NETO1: variants seen among roughly 807,000 people sequenced by gnomAD.
NETO1 encodes the protein neuropilin and tolloid like 1, also known as neuropilin and tolloid-like protein 1.
Under a neutral mutation model 61.3 loss-of-function variants are expected in NETO1, and 26 were observed. That is an observed-to-expected ratio of 0.42 (90% CI 0.31 to 0.59). The LOEUF (loss-of-function observed/expected upper bound fraction) is 0.59. NETO1 is among the 20% of genes least tolerant of loss of function. The pLI is 0.12. For missense variants in NETO1, 531 were observed against 662.8 expected (o/e 0.80, Z 2.18); for synonymous variants, 225 against 225.8 (o/e 1.00, Z 0.03).
At chr18:72,778,020 GC>G (rs1485211358) in intron 7 of NETO1, among the ~76,000 whole-genome samples, 1 of 152,162 alleles carries the variant, frequency 6.6e-6, no homozygotes, top group Non-Finnish European at 1.5e-5. Context: ...AGGCAGCCAT[GC>G]CCCCACAGCT....
intron 6 of NETO1, among the ~76,000 whole-genome samples, chr18:72,787,660 A>T (rs2071967929): frequency 1.3e-5 from 2 of 152,222 alleles, no homozygotes; most frequent in South Asian, 4.1e-4. Context: ...GATACTTGTT[A>T]TAATCATTTA....
At chr18:72,800,251 CAA>C (rs1425654301) in intron 4 of NETO1, among the ~76,000 whole-genome samples, 1 of 152,196 alleles carries the variant, frequency 6.6e-6, no homozygotes, top group Non-Finnish European at 1.5e-5. Context: ...CCTGATATTG[CAA>C]ATGATGGTGA....
In NETO1 at chr18:72,830,473, T is replaced by C. The variant is rs1437327829; in HGVS notation, c.469+28353A>G. 1.3e-5 allele frequency among the ~76,000 whole-genome samples: 2 copies of C among 151,656 alleles called. No homozygotes were observed. The highest frequency in any genetic ancestry group is 2.9e-5 in the Non-Finnish European group (2 of 67,934). ...GGGACCAGGGCATCTAAACAAGGAG[T>C]CCAAAAAACAAACACAAATGACAAA... On this transcript the variant is annotated intron_variant, in intron 4 of 10. Transcript: ENST00000327305. The surrounding 1 kb of genome is among the most constrained non-coding windows in gnomAD (Gnocchi z 4.9).
At chr18:72,854,259 A>G (rs1954820425) in intron 4 of NETO1, among the ~76,000 whole-genome samples, 6 of 152,212 alleles carry the variant, frequency 3.9e-5, no homozygotes, top group Admixed American at 3.9e-4. Flanking sequence ...AATATATTTA[A>G]CAACTCCACT....
Position 72,745,407 on chromosome 18 carries a change from GA to G in NETO1, c.*2771del, listed in dbSNP as rs2070408834. The G allele has an allele frequency of 6.6e-6, 1 of 151,906 alleles. No individual in the cohort carries two copies. The highest frequency in any genetic ancestry group is 1.5e-5 in the Non-Finnish European group (1 of 67,952). 9.4% of individuals were successfully genotyped at this position (151,906 alleles called of 1,614,324 possible). On this transcript the variant is annotated 3_prime_UTR_variant, in exon 11 of 11. Transcript: ENST00000327305. Reference sequence around the variant, plus strand: ...TATTTTGAAAAGTGAATGAAAACTTGAAAAAATAAAATGAAAAAGAATAGCT... The same window carrying G: ...TATTTTGAAAAGTGAATGAAAACTTGAAAAATAAAATGAAAAAGAATAGCT...
intron 4 of NETO1, among the ~76,000 whole-genome samples, chr18:72,826,282 T>C (rs1054627510): frequency 4.6e-5 from 7 of 152,180 alleles, no homozygotes; most frequent in Admixed American, 3.3e-4. Flanking sequence ...TAAATTATAA[T>C]TGGTCTGATA....
intron 7 of NETO1, among the ~76,000 whole-genome samples, chr18:72,781,865 C>G (rs1156291135): frequency 9.0e-6 from 1 of 111,358 alleles, no homozygotes; most frequent in Non-Finnish European, 1.9e-5. Context: ...ACTTTTGTTT[C>G]AGATTCGGGG....
chr18:72,841,460 C>T (rs186475735), intron 4 of NETO1, among the ~76,000 whole-genome samples: 2 of 152,042 alleles, frequency 1.3e-5, no homozygotes, highest in African/African-American at 4.8e-5. Context: ...TGGCCGGGTG[C>T]GGTGGCTCAC....
At chr18:72,770,238 T>C (rs1360734148) in intron 7 of NETO1, among the ~76,000 whole-genome samples, 3 of 152,078 alleles carry the variant, frequency 2.0e-5, no homozygotes, top group Admixed American at 1.3e-4. Context: ...AGAATGCTTA[T>C]CTTTTTCTTA....
rs888644759 is a variant in NETO1, at chr18:72,866,685, C to T, written c.28+579G>A. 5.1e-6 allele frequency: 5 copies of T among 980,244 alleles called. No homozygotes were observed. In the African/African-American group the frequency reaches 8.8e-5, roughly 17 times the overall value. 60.7% of individuals were successfully genotyped at this position (980,244 alleles called of 1,614,324 possible). A position where few individuals can be genotyped will look rare whatever the true frequency, so the allele number is the denominator to read the frequency against. On this transcript the variant is annotated intron_variant, in intron 1 of 10. Transcript: ENST00000327305. ...TCTTATACTGCCTTTTACTCGATGA[C>T]TCGTGATACTATTTTCCTCTCATTC... is the stretch of plus-strand genomic sequence containing the variant.
intron 4 of NETO1, among the ~76,000 whole-genome samples, chr18:72,810,298 G>A (rs144164497): frequency 6.6e-6 from 1 of 152,248 alleles, no homozygotes; most frequent in Non-Finnish European, 1.5e-5. Context: ...TTTTAATGGG[G>A]ACTCTACTCG....
chr18:72,799,689 T>A (rs768358393), intron 4 of NETO1, among the ~76,000 whole-genome samples: 1 of 152,268 alleles, frequency 6.6e-6, no homozygotes, highest in Non-Finnish European at 1.5e-5. Flanking sequence ...TTAACTCACA[T>A]CTGCTTGCGC....
chr18:72,795,012 C>T (rs1274639576), intron 4 of NETO1, among the ~76,000 whole-genome samples: 1 of 152,162 alleles, frequency 6.6e-6, no homozygotes, highest in Non-Finnish European at 1.5e-5. Flanking sequence ...CAAAGCATTC[C>T]TCAGTATTCT....
chr18:72,846,927 G>A (rs1052537044), intron 4 of NETO1, among the ~76,000 whole-genome samples: 16 of 152,296 alleles, frequency 1.1e-4, no homozygotes, highest in South Asian at 2.1e-4. Context: ...TTGTTTGCGC[G>A]CCAAATTTGC....
chr18:72,822,396 A>G (rs1229740690), intron 4 of NETO1, among the ~76,000 whole-genome samples: 1 of 152,144 alleles, frequency 6.6e-6, no homozygotes, highest in Admixed American at 6.5e-5. Context: ...CAGGTCAGAC[A>G]AGAACAGATA....
At chr18:72,755,841 A>G (rs2070764923) in intron 8 of NETO1, among the ~76,000 whole-genome samples, 193 bp downstream of exon 8, 1 of 152,132 alleles carries the variant, frequency 6.6e-6, no homozygotes, top group South Asian at 2.1e-4. Flanking sequence ...ACTGTGCACT[A>G]ATAACGGAAC....
intron 4 of NETO1, among the ~76,000 whole-genome samples, chr18:72,801,998 T>C (rs914371968): frequency 2.2e-4 from 34 of 152,172 alleles, no homozygotes; most frequent in Admixed American, 7.2e-4. Context: ...CTATTCCAAA[T>C]AAAATCAAAC....
chr18:72,839,983 G>A (rs1055301323), intron 4 of NETO1, among the ~76,000 whole-genome samples: 1 of 152,184 alleles, frequency 6.6e-6, no homozygotes, highest in Non-Finnish European at 1.5e-5. Context: ...GCTAAAGAAC[G>A]CTGCGATGCT....
At chr18:72,778,498 C>G in intron 7 of NETO1, among the ~76,000 whole-genome samples, 1 of 152,178 alleles carries the variant, frequency 6.6e-6, no homozygotes, top group Non-Finnish European at 1.5e-5. Flanking sequence ...ACACTTTGCC[C>G]GGACATTTTC....
Sources: gnomAD v4.1 joint callset for allele counts (sites outside exome capture counted in the v4.1 genomes callset) on GRCh38, gnomAD v4.1.1 for gene constraint, Gnocchi (gnomAD v3.1) non-coding constraint, MANE v1.5 for transcripts, NCBI Gene and HGNC (gene_info 2026-07-23, HGNC 2026-07-21) for gene names.